The following RALGPS2 variants were observed in gnomAD, a reference collection of about 807,000 sequenced individuals.
RALGPS2 encodes Ral GEF with PH domain and SH3 binding motif 2, also known as ras-specific guanine nucleotide-releasing factor RalGPS2.
A neutral mutation model predicts 86.8 loss-of-function variants in RALGPS2; 43 were observed. The ratio of observed to expected loss-of-function variants is 0.50; its 90% CI spans 0.39 to 0.64. The LOEUF (loss-of-function observed/expected upper bound fraction) is 0.64, where lower values mean the gene tolerates loss of function less well. Among genes scored for constraint, RALGPS2 ranks in the 30% least tolerant of loss-of-function variants. The probability of loss-of-function intolerance (pLI) is 0.00; values close to 1 mark genes in which losing one functional copy is unlikely to be tolerated. For synonymous variants in RALGPS2, 243 were observed against 231.3 expected (o/e 1.05, Z -0.46); for missense variants, 536 against 694.6 (o/e 0.77, Z 2.57).
At chr1:178,898,761 T>G (rs1660047434) in intron 17 of RALGPS2, among the ~76,000 whole-genome samples, 1 of 151,994 alleles carries the variant, frequency 6.6e-6, no homozygotes, top group Non-Finnish European at 1.5e-5. Context: ...TATATAATTG[T>G]TAAGATAGCT....
intron 1 of RALGPS2, among the ~76,000 whole-genome samples, chr1:178,737,486 T>C (rs1650777688): frequency 6.6e-6 from 1 of 152,132 alleles, no homozygotes; most frequent in Non-Finnish European, 1.5e-5. Flanking sequence ...GACCTCGTGA[T>C]CCACCTGCCT....
chr1:178,777,108 C>T (rs966421324), intron 2 of RALGPS2, among the ~76,000 whole-genome samples: 5 of 128,402 alleles, frequency 3.9e-5, no homozygotes, highest in Admixed American at 2.5e-4. Context: ...CCCCTCCCCC[C>T]ACCCCACCAC....
intron 8 of RALGPS2, chr1:178,852,822 G>A: frequency 1.9e-6 from 3 of 1,613,886 alleles, no homozygotes; most frequent in East Asian, 2.2e-5. Flanking sequence ...GAAAGCTGCT[G>A]TATTCTGCAT....
chr1:178,851,833 A>G (rs1652992902), intron 8 of RALGPS2, among the ~76,000 whole-genome samples: 1 of 152,144 alleles, frequency 6.6e-6, no homozygotes, highest in African/African-American at 2.4e-5. Context: ...CTGTTTGCCA[A>G]AATACAGCTG....
chr1:178,821,665 A>C lies in RALGPS2; in HGVS notation c.441A>C (p.Leu147=). The change falls in exon 7 of 20, where the codon CTA becomes CTC. Residue 147 remains leucine (L), a synonymous_variant. Coordinates refer to ENST00000367635, the MANE Select transcript of RALGPS2 (RefSeq NM_152663.5). ...CACTTATGGCAGTGGTTTCTGGCCT[A>C]CAGAGTGCCCCAATTTTCAGGTTGA... ...LHALMAVVSG[L]QSAPIFRLTK... 1 of 1,613,640 alleles carries C rather than the reference A, an allele frequency of 6.2e-7. No homozygotes were observed. Among genetic ancestry groups the C allele is most frequent in the Non-Finnish European group, 8.5e-7 (1 of 1,179,764 alleles).
intron 6 of RALGPS2, among the ~76,000 whole-genome samples, chr1:178,815,462 A>G (rs925319477): frequency 7.2e-5 from 11 of 152,058 alleles, no homozygotes; most frequent in Non-Finnish European, 2.9e-5. Context: ...GTATCTTGCT[A>G]TTTGTAGCTT....
chr1:178,830,987 T>C (rs958481258), intron 7 of RALGPS2, among the ~76,000 whole-genome samples: 4 of 152,248 alleles, frequency 2.6e-5, no homozygotes, highest in African/African-American at 9.6e-5. Context: ...GAATGAACTA[T>C]AGCTTCCCAC....
intron 1 of RALGPS2, among the ~76,000 whole-genome samples, chr1:178,739,100 G>A (rs1231633853): frequency 6.6e-6 from 1 of 151,626 alleles, no homozygotes; most frequent in Non-Finnish European, 1.5e-5. Flanking sequence ...TCTTTTTTTT[G>A]CAATTTTGAT....
At chr1:178,751,294 A>G (rs1410526381) in intron 1 of RALGPS2, among the ~76,000 whole-genome samples, 1 of 152,050 alleles carries the variant, frequency 6.6e-6, no homozygotes, top group Non-Finnish European at 1.5e-5. Context: ...CCCATTTTCT[A>G]CTTGTTAAGA....
intron 2 of RALGPS2, among the ~76,000 whole-genome samples, chr1:178,783,027 T>G (rs1028502023): frequency 6.6e-6 from 1 of 152,046 alleles, no homozygotes; most frequent in Non-Finnish European, 1.5e-5. Flanking sequence ...ACCACACTCA[T>G]GAGGCAGAGA....
At chr1:178,866,325 T>C (rs1319407328) in intron 8 of RALGPS2, among the ~76,000 whole-genome samples, 1 of 152,182 alleles carries the variant, frequency 6.6e-6, no homozygotes, top group East Asian at 1.9e-4. Flanking sequence ...TAATAAATTA[T>C]GTCATCTTCA....
intron 4 of RALGPS2, 50 bp downstream of exon 4, chr1:178,785,657 CAAATT>C: frequency 2.0e-6 from 3 of 1,516,030 alleles, no homozygotes; most frequent in Non-Finnish European, 2.6e-6. Flanking sequence ...CGATCAATCT[CAAATT>C]AAGTGTTTTA....
intron 8 of RALGPS2, among the ~76,000 whole-genome samples, chr1:178,844,434 GT>G (rs1656768864): frequency 1.3e-5 from 2 of 152,148 alleles, no homozygotes; most frequent in African/African-American, 4.8e-5. Context: ...TTTATCTGTA[GT>G]TCAATGTGGA....
intron 7 of RALGPS2, among the ~76,000 whole-genome samples, chr1:178,827,618 A>G (rs1189923276): frequency 2.0e-5 from 3 of 151,758 alleles, no homozygotes; most frequent in African/African-American, 7.3e-5. Flanking sequence ...GATGGTCTCG[A>G]TCTCCTGACC....
intron 8 of RALGPS2, among the ~76,000 whole-genome samples, chr1:178,860,067 T>C (rs1237018781): frequency 6.6e-6 from 1 of 152,070 alleles, no homozygotes; most frequent in Non-Finnish European, 1.5e-5. Flanking sequence ...TTTGCCAGAA[T>C]CCAAGTTTAC....
chr1:178,807,701 G>T (rs1167808730), intron 4 of RALGPS2, among the ~76,000 whole-genome samples: 1 of 152,164 alleles, frequency 6.6e-6, no homozygotes, highest in Non-Finnish European at 1.5e-5. Flanking sequence ...CTGATTGGGA[G>T]CTCTGGGTGA....
In RALGPS2 at chr1:178,852,717, G is replaced by A. The variant is rs759074163; in HGVS notation, c.607+19167G>A. ...TATCTTTATCTCTGTCCAGTGTGGT[G>A]AATTGTTTACCATTATGCCACATCA... is the stretch of plus-strand genomic sequence containing the variant. On this transcript the variant is annotated intron_variant, in intron 8 of 19. Transcript: ENST00000367635. 2.5e-6 allele frequency: 4 copies of A among 1,613,704 alleles called. No homozygotes were observed. The African/African-American group carries it at 4.0e-5, about 16-fold the overall frequency.
Position 178,725,264 on chromosome 1 carries a change from A to AGAG in RALGPS2, c.-238_-237insAGG, listed in dbSNP as rs1649894672. ...AGCTCACTCTCCTCCCCCGAGCGGC[A>AGAG]GCGGCGGCGGCGGCGGCGGCTGCTG... On this transcript the variant is annotated 5_prime_UTR_variant, in exon 1 of 20. Transcript: ENST00000367635. 2.7e-5 allele frequency: 1 copy of AGAG among 37,298 alleles called. No individual in the cohort carries two copies. Among genetic ancestry groups the AGAG allele is most frequent in the Non-Finnish European group, 5.4e-5 (1 of 18,422 alleles). The allele number at this position is 37,298 out of a possible 1,614,324, so 2.3% of individuals were successfully genotyped here.
At chr1:178,872,290 A>G (rs1043441260) in intron 8 of RALGPS2, among the ~76,000 whole-genome samples, 2 of 152,186 alleles carry the variant, frequency 1.3e-5, no homozygotes, top group Non-Finnish European at 2.9e-5. Context: ...TTGAATTCCT[A>G]TGCCATATAT....
Sources: gnomAD v4.1 joint callset for allele counts (sites outside exome capture counted in the v4.1 genomes callset) on GRCh38, gnomAD v4.1.1 for gene constraint, MANE v1.5 for transcripts, NCBI Gene and HGNC (gene_info 2026-07-23, HGNC 2026-07-21) for gene names.